USP24: variants seen among roughly 807,000 people sequenced by gnomAD.
The protein encoded by USP24 is ubiquitin specific peptidase 24.
Under a neutral mutation model 361.6 loss-of-function variants are expected in USP24, and 97 were observed. The ratio of observed to expected loss-of-function variants is 0.27; its 90% CI spans 0.23 to 0.32. USP24 has a LOEUF of 0.32. Ranked by LOEUF, USP24 falls within the 10% of genes least tolerant of loss-of-function variation. The pLI is 1.00. For missense variants in USP24, 2,353 were observed against 3,165.6 expected (o/e 0.74, Z 6.16); for synonymous variants, 1,098 against 1,124.6 (o/e 0.98, Z 0.47).
rs113487256 is a variant in USP24, at chr1:55,148,592, A to G, written c.1861-22T>C. The G allele has an allele frequency of 3.5e-4, 519 of 1,490,638 alleles. No individual in the cohort carries two copies. In the African/African-American group the frequency reaches 6.5e-3, roughly 19 times the overall value. 92.3% of individuals were successfully genotyped at this position (1,490,638 alleles called of 1,614,324 possible). On this transcript the variant is annotated intron_variant, in intron 16 of 67. Coordinates refer to ENST00000294383, the MANE Select transcript of USP24 (RefSeq NM_015306.3). Reference sequence around the variant, plus strand: ...ATGACTAGAGTTAAAAAGAAGTTACATTAATTAAATTTAGAAATAAACAGC... The same window carrying G: ...ATGACTAGAGTTAAAAAGAAGTTACGTTAATTAAATTTAGAAATAAACAGC...
chr1:55,154,295 C>G lies in USP24; in HGVS notation c.1651-15G>C, dbSNP rs763770041. On this transcript the variant is annotated splice_polypyrimidine_tract_variant and intron_variant, in intron 14 of 67. Coordinates refer to ENST00000294383, the MANE Select transcript of USP24 (RefSeq NM_015306.3). ...ACGTCTAAAACCTACAATAATATTA[C>G]ATATGATCAGCCAGCCAATATGCAA... The G allele has an allele frequency of 6.3e-7, 1 of 1,598,490 alleles. No homozygotes were observed. Among genetic ancestry groups the G allele is most frequent in the Non-Finnish European group, 8.5e-7 (1 of 1,172,066 alleles).
chr1:55,094,138 C>T, intron 51 of USP24, 51 bp from the exon 52 acceptor site: 1 of 1,548,540 alleles, frequency 6.5e-7, no homozygotes, highest in Non-Finnish European at 8.7e-7. Context: ...GCTATTTTTT[C>T]AGTAGTTACT....
chr1:55,120,329 C>T (rs1646244219), intron 38 of USP24, among the ~76,000 whole-genome samples: 1 of 152,156 alleles, frequency 6.6e-6, no homozygotes, highest in Admixed American at 6.5e-5. Context: ...TAATTCCAGG[C>T]TCTCACCAAT....
Position 55,072,303 on chromosome 1 carries a change from G to C in USP24, c.7689+14C>G, listed in dbSNP as rs773769296. 34 of 1,610,676 alleles carry C rather than the reference G, an allele frequency of 2.1e-5. No individual in the cohort carries two copies. Among genetic ancestry groups the C allele is most frequent in the Admixed American group, 1.3e-4 (8 of 59,548 alleles). On this transcript the variant is annotated intron_variant, in intron 66 of 67. Coordinates refer to ENST00000294383, the MANE Select transcript of USP24 (RefSeq NM_015306.3). ...AGTGATTTAGACCACGCAAAAACAA[G>C]AGACAACTCTCACCTGAGCTGAAAT...
chr1:55,112,372 T>A (rs1360803340), intron 38 of USP24, among the ~76,000 whole-genome samples: 1 of 152,220 alleles, frequency 6.6e-6, no homozygotes, highest in Non-Finnish European at 1.5e-5. Flanking sequence ...TGTTAGGGTG[T>A]CAATTGTAGA....
At position 55,079,541 on chromosome 1, in the gene USP24, TA is replaced by T; in HGVS notation, c.7196del (p.Leu2399Ter). On this transcript the variant is annotated frameshift_variant, in exon 60 of 68. Coordinates refer to ENST00000294383, the MANE Select transcript of USP24 (RefSeq NM_015306.3). LOFTEE classifies it high-confidence loss of function. ...LFMSEGKPYL[L>X]EVMFALRELT... ...CTTTAGAATAACAAGTACATACCTC[TA>T]ACAGGTAAGGTTTCCCTTCAGACAT... The T allele has an allele frequency of 6.4e-7, 1 of 1,573,060 alleles. No homozygotes were observed. Among genetic ancestry groups the T allele is most frequent in the Non-Finnish European group, 8.6e-7 (1 of 1,166,754 alleles).
At position 55,120,719 on chromosome 1, in the gene USP24, C is replaced by G. The variant is rs1197778650; in HGVS notation, c.4385G>C (p.Ser1462Thr). ...TGGATGCGCTGATGTGTCTGTCTGACTAAGAGTGTACAGCTGATCACAGGC... is the reference window on the plus strand; with the variant it reads ...TGGATGCGCTGATGTGTCTGTCTGAGTAAGAGTGTACAGCTGATCACAGGC... ...RVACDQLYTL[S>T]QTDTSAHPDV... The change falls in exon 38 of 68, where the codon AGT (serine) becomes ACT (threonine). Residue 1462 changes from serine to threonine, a missense_variant. Transcript: ENST00000294383. The G allele has an allele frequency of 1.3e-6, 2 of 1,576,336 alleles. No individual in the cohort carries two copies. Among genetic ancestry groups the G allele is most frequent in the African/African-American group, 2.7e-5 (2 of 74,118 alleles).
intron 35 of USP24, 123 bp from the exon 36 acceptor site, chr1:55,123,725 C>T: frequency 1.0e-6 from 1 of 995,264 alleles, no homozygotes; most frequent in Non-Finnish European, 1.4e-6. Flanking sequence ...GCACTTAGGT[C>T]CAAGAAGCAA....
chr1:55,141,371 G>A (rs1370409382), intron 24 of USP24, among the ~76,000 whole-genome samples: 1 of 152,182 alleles, frequency 6.6e-6, no homozygotes, highest in Non-Finnish European at 1.5e-5. Flanking sequence ...TGTCCACCAG[G>A]TAGAAGGATA....
rs777283875 is a variant in USP24 at position 55,144,197 on chromosome 1, T to C, written c.2369A>G (p.Asn790Ser). The C allele has an allele frequency of 6.3e-7, 1 of 1,586,914 alleles. No individual in the cohort carries two copies. Among genetic ancestry groups the C allele is most frequent in the South Asian group, 1.2e-5 (1 of 86,912 alleles). Residue 790 changes from asparagine (N) to serine (S), a missense_variant, in exon 21 of 68, where the codon AAC (asparagine) becomes AGC (serine). Physicochemically the swap from Asn to Ser is conservative, Grantham distance 46. Transcript: ENST00000294383. ...ATTTTCAAAAAAAGTTTTAAATAAG[T>C]TAAAACCTGTAATTATAGAATGCCA... Reference protein sequence around the residue: ...ESYEITMNGFNLFKTFFENVN... With the variant: ...ESYEITMNGFSLFKTFFENVN...
In USP24 at chr1:55,085,944, T is replaced by G. The variant is rs1203596268; in HGVS notation, c.6763A>C (p.Lys2255Gln). The change falls in exon 56 of 68, where the codon AAG becomes CAG. Residue 2255 changes from lysine (K) to glutamine (Q), a missense_variant and splice_region_variant. This residue lies in a region of USP24 where 598 missense variants were observed against 761.9 expected (regional missense o/e 0.78). Transcript: ENST00000294383. ...TLDSALFYQD[K>Q]LKSLHQLLEV... ...AACGTTTTAAAAATGAGACCGACCT[T>G]ATCCTGATAAAACAAGGCACTGTCT... 1 of 1,613,780 alleles carries G rather than the reference T, an allele frequency of 6.2e-7. No homozygotes were observed. The highest frequency in any genetic ancestry group is 1.1e-5 in the South Asian group (1 of 91,064).
chr1:55,099,754 AG>A lies in USP24; in HGVS notation c.5370+16del. 3 of 1,528,196 alleles carry A rather than the reference AG, an allele frequency of 2.0e-6. No individual in the cohort carries two copies. The highest frequency in any genetic ancestry group is 2.7e-6 in the Non-Finnish European group (3 of 1,126,946). 94.7% of individuals were successfully genotyped at this position (1,528,196 alleles called of 1,614,324 possible). A position where few individuals can be genotyped will look rare whatever the true frequency, so the allele number is the denominator to read the frequency against. On this transcript the variant is annotated intron_variant, in intron 45 of 67. Transcript: ENST00000294383. ...TAGAGTTTGAGGGAGTTAGAGGGAA[AG>A]TACAACTTTTACTACCTTGAGGTAT... is the stretch of plus-strand genomic sequence containing the variant.
At position 55,121,433 on chromosome 1, in the gene USP24, T is replaced by A. The variant is rs1364808635; in HGVS notation, c.4347+3A>T. 4 of 1,612,336 alleles carry A rather than the reference T, an allele frequency of 2.5e-6. No individual in the cohort carries two copies. ...TTTTGTAAGTAATGTGAAAAATCCT[T>A]ACCTCAGCACTTGGTGATCCGAGCA... On this transcript the variant is annotated splice_donor_region_variant and intron_variant, in intron 37 of 67. Coordinates refer to ENST00000294383, the MANE Select transcript of USP24 (RefSeq NM_015306.3).
In USP24 at chr1:55,155,999, G is replaced by A. The variant is rs553914814; in HGVS notation, c.1446+949C>T. Among the ~76,000 whole-genome samples the A allele has an allele frequency of 3.3e-5, 5 of 152,160 alleles. No individual in the cohort carries two copies. The South Asian group carries it at 8.3e-4, about 25-fold the overall frequency. On this transcript the variant is annotated intron_variant, in intron 12 of 67. Transcript: ENST00000294383. The stretch of plus-strand genomic sequence containing the variant: ...GGAAGACTTTTGTAAACAATCCCCT[G>A]TAATGAATTCCCTTTGCTTGATATA...
chr1:55,188,462 T>G (rs1432981940), intron 1 of USP24, among the ~76,000 whole-genome samples: 1 of 151,698 alleles, frequency 6.6e-6, no homozygotes. Flanking sequence ...GATAAAAGAT[T>G]TGCATATAGA....
intron 16 of USP24, chr1:55,152,097 CT>C (rs1431654831): frequency 3.0e-5 from 17 of 573,074 alleles, no homozygotes; most frequent in Middle Eastern, 8.4e-4. Flanking sequence ...GCAATGTGTA[CT>C]TTGTAAAAGT....
At chr1:55,139,362 A>C (rs970961568) in intron 24 of USP24, among the ~76,000 whole-genome samples, 1 of 152,200 alleles carries the variant, frequency 6.6e-6, no homozygotes, top group Admixed American at 6.5e-5. Context: ...ACTTTATCTT[A>C]TAACTAAAAT....
At chr1:55,124,420 G>A in intron 35 of USP24, 49 bp downstream of exon 35, 1 of 1,561,640 alleles carries the variant, frequency 6.4e-7, no homozygotes, top group Non-Finnish European at 8.7e-7. Flanking sequence ...GAATTCTTAT[G>A]GTTATTTCTT....
intron 62 of USP24, among the ~76,000 whole-genome samples, chr1:55,076,530 C>T (rs1317420343): frequency 2.0e-5 from 3 of 152,206 alleles, no homozygotes; most frequent in Admixed American, 2.0e-4. Flanking sequence ...CTGAACCACA[C>T]TCATTAACTC....
Sources: gnomAD v4.1 joint callset for allele counts (sites outside exome capture counted in the v4.1 genomes callset) on GRCh38, gnomAD v4.1.1 for gene constraint, gnomAD v4.1.1 regional missense constraint, MANE v1.5 for transcripts, NCBI Gene and HGNC (gene_info 2026-07-23, HGNC 2026-07-21) for gene names.